SNCAIP: variants seen among roughly 807,000 people sequenced by gnomAD.
SNCAIP encodes the protein synuclein alpha interacting protein, also known as synphilin-1.
Under a neutral mutation model 86.7 loss-of-function variants are expected in SNCAIP, and 43 were observed. The ratio of observed to expected loss-of-function variants is 0.50; its 90% CI spans 0.39 to 0.64. The LOEUF (loss-of-function observed/expected upper bound fraction) is 0.64, where lower values mean the gene tolerates loss of function less well. Among genes scored for constraint, SNCAIP ranks in the 30% least tolerant of loss-of-function variants. SNCAIP has a pLI of 0.00. For synonymous variants in SNCAIP, 417 were observed against 427.2 expected (o/e 0.98, Z 0.29); for missense variants, 981 against 1,103.1 (o/e 0.89, Z 1.57).
rs1451076994 is a variant in SNCAIP at position 122,440,761 on chromosome 5, A to T, written c.1422+7A>T. The T allele has an allele frequency of 6.2e-7, 1 of 1,613,432 alleles. No individual in the cohort carries two copies. Among genetic ancestry groups the T allele is most frequent in the Non-Finnish European group, 8.5e-7 (1 of 1,179,438 alleles). On this transcript the variant is annotated splice_region_variant and intron_variant, in intron 7 of 10. Transcript: ENST00000261368. ...CTACCTTGGATGCATACAGGTACAC[A>T]GGCCCTGCTGTTTTGCAATGAGAAA...
At chr5:122,444,432 G>A (rs1781831845) in intron 7 of SNCAIP, 131 bp from the exon 8 acceptor site, 1 of 802,588 alleles carries the variant, frequency 1.2e-6, no homozygotes. Flanking sequence ...GACTCTGAAG[G>A]GAGGTGTGTG....
intron 6 of SNCAIP, among the ~76,000 whole-genome samples, chr5:122,438,429 T>C (rs535443635): frequency 1.3e-5 from 2 of 152,266 alleles, no homozygotes; most frequent in East Asian, 1.9e-4. Context: ...TCCCGCCCTG[T>C]GTTCTGAACT....
intron 3 of SNCAIP, among the ~76,000 whole-genome samples, chr5:122,414,014 G>A (rs1774718530): frequency 6.6e-6 from 1 of 152,068 alleles, no homozygotes; most frequent in African/African-American, 2.4e-5. Context: ...GACTCAAGCA[G>A]TCCTCCTGCT....
In SNCAIP at chr5:122,395,183, A is replaced by G. The variant is rs539629191; in HGVS notation, c.57+3992A>G. On this transcript the variant is annotated intron_variant, in intron 2 of 10. Transcript: ENST00000261368. The stretch of plus-strand genomic sequence containing the variant: ...GAACTTAAGCAAATCTTTTAATTTT[A>G]CTGTACCTCAACATTCCCATCCGTT... Among the ~76,000 whole-genome samples the G allele has an allele frequency of 2.0e-5, 3 of 152,304 alleles. No homozygotes were observed. In the East Asian group the frequency reaches 5.8e-4, roughly 29 times the overall value.
rs1214500670 is a variant in SNCAIP, at chr5:122,451,056, A to G, written c.2209A>G (p.Ile737Val). Reference protein sequence around the residue: ...ASGGRRFPFSIKASKSLDGHS... With the variant: ...ASGGRRFPFSVKASKSLDGHS... ...AGGGGGACGCAGGTTTCCTTTCAGC[A>G]TCAAGGCCTCCAAATCCCTGGATGG... Residue 737 changes from isoleucine (I) to valine (V), a missense_variant, in exon 10 of 11, where the codon ATC (isoleucine) becomes GTC (valine). Transcript: ENST00000261368. 6.2e-7 allele frequency: 1 copy of G among 1,614,090 alleles called. No individual in the cohort carries two copies. The highest frequency in any genetic ancestry group is 1.3e-5 in the African/African-American group (1 of 74,932).
chr5:122,424,014 T>C (rs937147326), intron 4 of SNCAIP, among the ~76,000 whole-genome samples: 2 of 152,250 alleles, frequency 1.3e-5, no homozygotes, highest in African/African-American at 4.8e-5. Flanking sequence ...AGCCCGGCAC[T>C]TTCTTTAACT....
intron 1 of SNCAIP, among the ~76,000 whole-genome samples, chr5:122,386,615 C>T (rs2152830758): frequency 6.6e-6 from 1 of 152,222 alleles, no homozygotes; most frequent in Non-Finnish European, 1.5e-5. Flanking sequence ...TGGGCACATC[C>T]AAAGAAGGGA....
chr5:122,314,339 A>C (rs565384779), intron 1 of SNCAIP, among the ~76,000 whole-genome samples: 12 of 152,360 alleles, frequency 7.9e-5, no homozygotes, highest in Admixed American at 5.9e-4. Flanking sequence ...AAAAGAGGAA[A>C]TCTCCCAAGG....
At position 122,364,078 on chromosome 5, in the gene SNCAIP, C is replaced by T. The variant is rs189193877; in HGVS notation, c.-46-27011C>T. 4.6e-5 allele frequency among the ~76,000 whole-genome samples: 7 copies of T among 152,222 alleles called. No individual in the cohort carries two copies. In the East Asian group the frequency reaches 1.4e-3, roughly 29 times the overall value. On this transcript the variant is annotated intron_variant, in intron 1 of 10. Transcript: ENST00000261368. ...ACTCCTGGCCTCAAGTGATCCTCAC[C>T]TCAGCTTCCCAAAGTGCTAGGATTG...
chr5:122,429,598 T>C (rs1311993557), intron 5 of SNCAIP, among the ~76,000 whole-genome samples: 2 of 151,202 alleles, frequency 1.3e-5, no homozygotes, highest in Non-Finnish European at 3.0e-5. Flanking sequence ...TATTCCTTTC[T>C]TCTTTTAGCG....
rs1769269980 is a variant in SNCAIP at position 122,391,200 on chromosome 5, C to G, written c.57+9C>G. ...TTAGTGATGACATATCTGTAAGTAC[C>G]ACTGTATACAAGAAATGCTTTCAAG... On this transcript the variant is annotated intron_variant, in intron 2 of 10. Transcript: ENST00000261368. 3 of 1,575,962 alleles carry G rather than the reference C, an allele frequency of 1.9e-6. No homozygotes were observed. The highest frequency in any genetic ancestry group is 2.6e-6 in the Non-Finnish European group (3 of 1,145,382).
At chr5:122,454,653 C>T (rs1229071775) in intron 10 of SNCAIP, 1 of 152,708 alleles carries the variant, frequency 6.5e-6, no homozygotes, top group Non-Finnish European at 1.5e-5. Flanking sequence ...AATGTGTTTT[C>T]TGGTGCCTGG....
intron 8 of SNCAIP, among the ~76,000 whole-genome samples, chr5:122,445,906 TC>T (rs1473179989): frequency 6.6e-6 from 1 of 151,942 alleles, no homozygotes; most frequent in African/African-American, 2.4e-5. Flanking sequence ...GCTACAAGTC[TC>T]TGTGCCCCTC....
intron 1 of SNCAIP, among the ~76,000 whole-genome samples, chr5:122,323,937 TGC>T (rs1186304236): frequency 6.6e-6 from 1 of 152,184 alleles, no homozygotes; most frequent in Non-Finnish European, 1.5e-5. Context: ...TTTTTAAAAA[TGC>T]AAAGATGATT....
intron 7 of SNCAIP, chr5:122,443,526 A>G: frequency 2.2e-6 from 1 of 445,604 alleles, no homozygotes; most frequent in Non-Finnish European, 4.5e-6. Flanking sequence ...CCTCTTTAAA[A>G]TCTCAGTCTT....
rs1027258740 is a variant in SNCAIP at position 122,425,979 on chromosome 5, T to A, written c.1182+448T>A. ...ATCTGAAGTTTGAGTGTCTTCAGTA[T>A]CAAGAATTTTTTAGAGTATCAGTGC... On this transcript the variant is annotated intron_variant, in intron 5 of 10. Transcript: ENST00000261368. Among the ~76,000 whole-genome samples, 3 of 152,246 alleles carry A rather than the reference T, an allele frequency of 2.0e-5. No individual in the cohort carries two copies. The South Asian group carries it at 6.2e-4, about 31-fold the overall frequency.
At chr5:122,451,706 A>G in intron 10 of SNCAIP, 105 bp downstream of exon 10, 2 of 845,596 alleles carry the variant, frequency 2.4e-6, no homozygotes, top group South Asian at 1.6e-5. Flanking sequence ...ATCCCCAGGA[A>G]AAAAAAAAAT....
At chr5:122,436,209 T>C (rs556745229) in intron 6 of SNCAIP, among the ~76,000 whole-genome samples, 1 of 152,180 alleles carries the variant, frequency 6.6e-6, no homozygotes, top group African/African-American at 2.4e-5. Context: ...TTTTTTTTTT[T>C]TTAAAAAGAG....
rs1307479639 is a variant in SNCAIP, at chr5:122,350,445, GT to G, written c.-47+38163del. 2.7e-5 allele frequency among the ~76,000 whole-genome samples: 4 copies of G among 150,936 alleles called. No homozygotes were observed. In the East Asian group the frequency reaches 7.7e-4, roughly 29 times the overall value. Reference sequence around the variant, plus strand: ...TAGTGTATACTAAATAGATATTATAGTTCAGATTTGTGCATTCTTTTTGTAC... The same window carrying G: ...TAGTGTATACTAAATAGATATTATAGTCAGATTTGTGCATTCTTTTTGTAC... On this transcript the variant is annotated intron_variant, in intron 1 of 10. Transcript: ENST00000261368.
Sources: allele counts gnomAD v4.1 joint callset (sites outside exome capture counted in the v4.1 genomes callset), GRCh38; gene constraint gnomAD v4.1.1; transcripts MANE v1.5; gene names NCBI Gene and HGNC (gene_info 2026-07-23, HGNC 2026-07-21).